ANXA6: variants seen among roughly 807,000 people sequenced by gnomAD.
ANXA6 encodes annexin A6, also known as 67 kDa calelectrin.
A neutral mutation model predicts 95.4 loss-of-function variants in ANXA6; 71 were observed. The ratio of observed to expected loss-of-function variants is 0.74; its 90% CI spans 0.61 to 0.91. The LOEUF is 0.91. Among genes scored for constraint, ANXA6 ranks in the 40% least tolerant of loss-of-function variants. The probability of loss-of-function intolerance (pLI) is 0.00; values close to 1 mark genes in which losing one functional copy is unlikely to be tolerated. For synonymous variants in ANXA6, 289 were observed against 315.9 expected (o/e 0.91, Z 0.90); for missense variants, 830 against 876.4 (o/e 0.95, Z 0.67).
At chr5:151,133,846 C>A (rs1765585202) in intron 8 of ANXA6, among the ~76,000 whole-genome samples, 1 of 152,210 alleles carries the variant, frequency 6.6e-6, no homozygotes, top group Non-Finnish European at 1.5e-5. Context: ...TCCTCCCTCT[C>A]CTAGGCTCCC....
chr5:151,149,176 T>G, intron 1 of ANXA6, among the ~76,000 whole-genome samples: 1 of 75,962 alleles, frequency 1.3e-5, no homozygotes, highest in Admixed American at 1.9e-4. Flanking sequence ...GCAAGCCCTG[T>G]CTCAAAAAAA....
At chr5:151,119,455 G>C in intron 17 of ANXA6, 65 bp from the exon 18 acceptor site, 1 of 1,395,336 alleles carries the variant, frequency 7.2e-7, no homozygotes. Flanking sequence ...GGTCCATGGG[G>C]CCCGGACGGC....
chr5:151,110,904 G>A (rs1048960309), intron 20 of ANXA6, among the ~76,000 whole-genome samples: 1 of 152,294 alleles, frequency 6.6e-6, no homozygotes, highest in South Asian at 2.1e-4. Context: ...TCACTTGAAG[G>A]GTAAGAGAAA....
chr5:151,143,716 C>T (rs751932469), intron 2 of ANXA6, among the ~76,000 whole-genome samples: 12 of 152,124 alleles, frequency 7.9e-5, no homozygotes, highest in Admixed American at 2.6e-4. Context: ...TGCTCACTGA[C>T]GCATTTCTAG....
chr5:151,139,482 C>T (rs776643791), intron 3 of ANXA6, 35 bp from the exon 4 acceptor site: 9 of 1,551,080 alleles, frequency 5.8e-6, no homozygotes, highest in Non-Finnish European at 6.2e-6. Flanking sequence ...ATCCTACCCA[C>T]CCTGCCTCCA....
At chr5:151,122,785 C>A in intron 16 of ANXA6, 132 bp downstream of exon 16, 1 of 737,740 alleles carries the variant, frequency 1.4e-6, no homozygotes, top group South Asian at 1.6e-5. Flanking sequence ...ACTCTGAGAT[C>A]ATATGACCAC....
rs140225451 is a variant in ANXA6, at chr5:151,118,540, C to T, written c.1439-703G>A. 1.5e-3 allele frequency among the ~76,000 whole-genome samples: 225 copies of T among 152,118 alleles called. 3 individuals carry two copies. In the South Asian group the frequency reaches 0.019, roughly 13 times the overall value. On this transcript the variant is annotated intron_variant, in intron 18 of 25. Coordinates refer to ENST00000354546, the MANE Select transcript of ANXA6 (RefSeq NM_001155.5). ...CCTCTGCTTCCCAGGTTCAAGTGAT[C>T]CTCCTGCCTCAGCCTCCTAAGTAGC...
chr5:151,149,491 G>GATCTCTTTTT (rs1409037851), intron 1 of ANXA6, among the ~76,000 whole-genome samples: 2 of 152,040 alleles, frequency 1.3e-5, no homozygotes, highest in African/African-American at 4.8e-5. Flanking sequence ...TGGGCAATTT[G>GATCTCTTTTT]ATCTCTTTTT....
chr5:151,122,388 C>T (rs1346608527), intron 16 of ANXA6, 128 bp from the exon 17 acceptor site: 2 of 628,490 alleles, frequency 3.2e-6, no homozygotes, highest in Non-Finnish European at 2.7e-6. Flanking sequence ...TCTGTCTTTG[C>T]TGATGTTGTA....
In ANXA6 at chr5:151,105,309, A is replaced by C; in HGVS notation, c.1781-6T>G. ...CTTGTTCTTGACACTTTGAACTGGT[A>C]GGAAGAGCAGAGAGATGCGGGGAAC... is the stretch of plus-strand genomic sequence containing the variant. On this transcript the variant is annotated splice_polypyrimidine_tract_variant and splice_region_variant and intron_variant, in intron 23 of 25. Transcript: ENST00000354546. The C allele has an allele frequency of 6.2e-7, 1 of 1,613,894 alleles. No homozygotes were observed. Among genetic ancestry groups the C allele is most frequent in the Non-Finnish European group, 8.5e-7 (1 of 1,179,760 alleles).
intron 20 of ANXA6, 68 bp from the exon 21 acceptor site, chr5:151,110,712 G>A (rs1581980340): frequency 2.5e-6 from 4 of 1,578,816 alleles, no homozygotes; most frequent in East Asian, 4.5e-5. Context: ...TGGGGAGGCT[G>A]GTGCTGGGGC....
intron 1 of ANXA6, among the ~76,000 whole-genome samples, chr5:151,149,179 CAAAA>C (rs36120948): frequency 2.1e-5 from 1 of 47,296 alleles, no homozygotes; most frequent in African/African-American, 9.0e-5. Flanking sequence ...AGCCCTGTCT[CAAAA>C]AAAAAAAAAA....
rs541934895 is a variant in ANXA6 at position 151,101,619 on chromosome 5, A to G, written c.1963-112T>C. 25 of 900,380 alleles carry G rather than the reference A, an allele frequency of 2.8e-5. 1 individual carries two copies. In the African/African-American group the frequency reaches 2.8e-4, roughly 10 times the overall value. The allele number at this position is 900,380 out of a possible 1,614,324, so 55.8% of individuals were successfully genotyped here. ...CTCCCTCGGCTTCTCTCCATGACCAACATAGGATCCCATGCCACATGTAGG... is the reference window on the plus strand; with the variant it reads ...CTCCCTCGGCTTCTCTCCATGACCAGCATAGGATCCCATGCCACATGTAGG... On this transcript the variant is annotated intron_variant, in intron 25 of 25. Coordinates refer to ENST00000354546, the MANE Select transcript of ANXA6 (RefSeq NM_001155.5).
In ANXA6 at chr5:151,148,442, G is replaced by A. The variant is rs369095887; in HGVS notation, c.-25-516C>T. Among the ~76,000 whole-genome samples the A allele has an allele frequency of 1.3e-4, 20 of 152,254 alleles. No individual in the cohort carries two copies. In the South Asian group the frequency reaches 3.5e-3, roughly 27 times the overall value. ...AGGATGGCTTCAGAACCCAGAGCTTGACCGCCTGCAGATAGGACTCAAAGT... is the reference window on the plus strand; with the variant it reads ...AGGATGGCTTCAGAACCCAGAGCTTAACCGCCTGCAGATAGGACTCAAAGT... On this transcript the variant is annotated intron_variant, in intron 1 of 25. Coordinates refer to ENST00000354546, the MANE Select transcript of ANXA6 (RefSeq NM_001155.5).
At chr5:151,117,931 A>G in intron 18 of ANXA6, 94 bp from the exon 19 acceptor site, 1 of 1,006,068 alleles carries the variant, frequency 9.9e-7, no homozygotes, top group Non-Finnish European at 1.5e-6. Flanking sequence ...GAGCCAGGGC[A>G]GTATTGGCAG....
chr5:151,108,617 A>G, intron 22 of ANXA6, 67 bp from the exon 23 acceptor site: 1 of 1,342,334 alleles, frequency 7.4e-7, no homozygotes, highest in Non-Finnish European at 1.1e-6. Flanking sequence ...ACCCCTCCTC[A>G]GCCCCACCCA....
At chr5:151,108,950 G>A (rs1413896272) in intron 22 of ANXA6, among the ~76,000 whole-genome samples, 3 of 152,198 alleles carry the variant, frequency 2.0e-5, no homozygotes, top group Non-Finnish European at 2.9e-5. Flanking sequence ...TTGGGATGAA[G>A]ACACAATGAT....
chr5:151,101,704 G>GT (rs1342053100), intron 25 of ANXA6, among the ~76,000 whole-genome samples, 197 bp from the exon 26 acceptor site: 1 of 152,184 alleles, frequency 6.6e-6, no homozygotes, highest in African/African-American at 2.4e-5. Context: ...TCCCCAGGAA[G>GT]ATATGCAAGC....
Position 151,117,758 on chromosome 5 carries a change from C to G in ANXA6, c.1518G>C (p.Thr506=), listed in dbSNP as rs377149334. Reference sequence around the variant, plus strand: ...ACCTGGGGCCCATGAATTCACTCACCGTGGCCAGAGAAATGAGGATCCTCC... The same window carrying G: ...ACCTGGGGCCCATGAATTCACTCACGGTGGCCAGAGAAATGAGGATCCTCC... The part of the protein sequence containing the change: ...HFRRILISLA[T]GHREEGGENL... Residue 506 remains threonine, a splice_region_variant and synonymous_variant, in exon 19 of 26, where the codon ACG becomes ACC. Transcript: ENST00000354546. The G allele has an allele frequency of 6.2e-7, 1 of 1,613,232 alleles. No individual in the cohort carries two copies. Among genetic ancestry groups the G allele is most frequent in the Admixed American group, 1.7e-5 (1 of 60,006 alleles).
Sources: allele counts gnomAD v4.1 joint callset (sites outside exome capture counted in the v4.1 genomes callset), GRCh38; gene constraint gnomAD v4.1.1; transcripts MANE v1.5; gene names NCBI Gene and HGNC (gene_info 2026-07-23, HGNC 2026-07-21).